MCM6: variants seen among roughly 807,000 people sequenced by gnomAD.
MCM6 encodes DNA replication licensing factor MCM6.
Under a neutral mutation model 94.3 loss-of-function variants are expected in MCM6, and 46 were observed. That is an observed-to-expected ratio of 0.49 (90% CI 0.39 to 0.62). The LOEUF (loss-of-function observed/expected upper bound fraction) is 0.62. Ranked by LOEUF, MCM6 falls within the 20% of genes least tolerant of loss-of-function variation. The pLI is 0.00. For synonymous variants in MCM6, 335 were observed against 351.9 expected (o/e 0.95, Z 0.54); for missense variants, 865 against 1,017.9 (o/e 0.85, Z 2.04).
chr2:135,844,772 T>G (rs541420739), intron 15 of MCM6, 88 bp from the exon 16 acceptor site: 5 of 1,317,806 alleles, frequency 3.8e-6, no homozygotes, highest in African/African-American at 1.5e-5. Context: ...AACGAGATAA[T>G]GTACAGATTA....
At chr2:135,850,669 C>T (rs1679764989) in intron 13 of MCM6, among the ~76,000 whole-genome samples, 2 of 152,154 alleles carry the variant, frequency 1.3e-5, no homozygotes, top group South Asian at 4.1e-4. Context: ...GTGGTTACTT[C>T]AGGGGAAGAG....
chr2:135,848,036 A>T lies in MCM6; in HGVS notation c.2053+17T>A. Reference sequence around the variant, plus strand: ...TGGTCCCTAACTCCAAAACAGTCACATGAACAAGTATCTCACCATTGATGC... The same window carrying T: ...TGGTCCCTAACTCCAAAACAGTCACTTGAACAAGTATCTCACCATTGATGC... On this transcript the variant is annotated intron_variant, in intron 14 of 16. Transcript: ENST00000264156. The T allele has an allele frequency of 6.3e-7, 1 of 1,594,002 alleles. No homozygotes were observed. Among genetic ancestry groups the T allele is most frequent in the Non-Finnish European group, 8.6e-7 (1 of 1,164,228 alleles).
intron 2 of MCM6, 127 bp from the exon 3 acceptor site, chr2:135,870,488 G>A (rs1286043067): frequency 1.5e-6 from 1 of 645,438 alleles, no homozygotes; most frequent in Non-Finnish European, 2.8e-6. Context: ...ACTTAACTGT[G>A]TAGGACACTT....
intron 7 of MCM6, 31 bp from the exon 8 acceptor site, chr2:135,862,779 C>G (rs771214311): frequency 1.2e-6 from 2 of 1,607,674 alleles, no homozygotes; most frequent in Non-Finnish European, 1.7e-6. Flanking sequence ...AGATGAAAAA[C>G]TAATTTTTCA....
intron 5 of MCM6, 62 bp downstream of exon 5, chr2:135,866,501 G>T: frequency 6.6e-7 from 1 of 1,523,670 alleles, no homozygotes; most frequent in Non-Finnish European, 8.9e-7. Context: ...GATGTGGGAA[G>T]CTAGATACTG....
At chr2:135,866,362 A>G in intron 5 of MCM6, 85 bp from the exon 6 acceptor site, 1 of 1,522,114 alleles carries the variant, frequency 6.6e-7, no homozygotes, top group South Asian at 1.2e-5. Context: ...AAAGCTATAA[A>G]TCCAAAGACT....
intron 7 of MCM6, among the ~76,000 whole-genome samples, chr2:135,864,742 C>T (rs1435457506): frequency 6.6e-6 from 1 of 152,162 alleles, no homozygotes; most frequent in Non-Finnish European, 1.5e-5. Flanking sequence ...ACTTTGTCAT[C>T]ATCCCAAATA....
intron 8 of MCM6, among the ~76,000 whole-genome samples, chr2:135,862,331 TAATAA>T (rs933310785): frequency 3.5e-4 from 38 of 109,176 alleles, no homozygotes; most frequent in Middle Eastern, 4.2e-3. Context: ...TTTATACAAA[TAATAA>T]AATTTGTATA....
At chr2:135,867,996 C>T (rs1375254979) in intron 4 of MCM6, among the ~76,000 whole-genome samples, 1 of 152,028 alleles carries the variant, frequency 6.6e-6, no homozygotes, top group East Asian at 1.9e-4. Context: ...CACTGCACTC[C>T]AGCCTGGGTG....
At chr2:135,842,624 G>C (rs573855150) in intron 16 of MCM6, among the ~76,000 whole-genome samples, 1 of 152,202 alleles carries the variant, frequency 6.6e-6, no homozygotes, top group Non-Finnish European at 1.5e-5. Context: ...ACAAGGCAGG[G>C]TGACAGCAAG....
intron 7 of MCM6, among the ~76,000 whole-genome samples, chr2:135,863,572 T>A (rs935277766): frequency 5.2e-4 from 78 of 150,646 alleles, no homozygotes; most frequent in Middle Eastern, 3.4e-3. Flanking sequence ...AAAAAAAAAA[T>A]TTTTTTTAAT....
At chr2:135,848,964 C>T (rs993641568) in intron 13 of MCM6, among the ~76,000 whole-genome samples, 4 of 152,088 alleles carry the variant, frequency 2.6e-5, no homozygotes, top group Non-Finnish European at 4.4e-5. Flanking sequence ...ACTCCCAGTA[C>T]GAACAAACAT....
chr2:135,850,089 G>A (rs947558357), intron 13 of MCM6, among the ~76,000 whole-genome samples: 9 of 151,858 alleles, frequency 5.9e-5, no homozygotes, highest in African/African-American at 2.2e-4. Flanking sequence ...CTCATTTCAG[G>A]AACTATCACA....
At chr2:135,865,411 C>T (rs1175159798) in intron 6 of MCM6, among the ~76,000 whole-genome samples, 3 of 152,070 alleles carry the variant, frequency 2.0e-5, no homozygotes, top group South Asian at 4.2e-4. Context: ...AAGAGATAAG[C>T]GATAGCAGAA....
In MCM6 at chr2:135,859,207, T is replaced by C. The variant is rs1679943468; in HGVS notation, c.1362+94A>G. 3 of 1,079,008 alleles carry C rather than the reference T, an allele frequency of 2.8e-6. No homozygotes were observed. The South Asian group carries it at 4.7e-5, about 17-fold the overall frequency. The allele number at this position is 1,079,008 out of a possible 1,614,324, so 66.8% of individuals were successfully genotyped here. On this transcript the variant is annotated intron_variant, in intron 9 of 16. Transcript: ENST00000264156. The stretch of plus-strand genomic sequence containing the variant: ...CGCGCCCAGCTGAGAATGCTGTTTT[T>C]AAGGACATCTTTTTAATGGTAACTT...
intron 11 of MCM6, among the ~76,000 whole-genome samples, chr2:135,853,401 C>T (rs1679812226): frequency 6.6e-6 from 1 of 152,154 alleles, no homozygotes; most frequent in Admixed American, 6.5e-5. Flanking sequence ...GCCATGATTG[C>T]ACCACTGCAC....
chr2:135,851,380 C>G lies in MCM6; in HGVS notation c.1917+22G>C, dbSNP rs1167381860. 4 of 1,593,986 alleles carry G rather than the reference C, an allele frequency of 2.5e-6. No individual in the cohort carries two copies. In the African/African-American group the frequency reaches 4.0e-5, roughly 16 times the overall value. ...CAAATCTGTTTATCTCTGCTCTCAT[C>G]ATATCAAAGTGACTCTGATACCTCA... is the stretch of plus-strand genomic sequence containing the variant. On this transcript the variant is annotated intron_variant, in intron 13 of 16. Transcript: ENST00000264156.
chr2:135,861,536 T>C (rs963926112), intron 8 of MCM6, among the ~76,000 whole-genome samples: 4 of 152,210 alleles, frequency 2.6e-5, no homozygotes, highest in African/African-American at 9.6e-5. Flanking sequence ...CTAAAAACAG[T>C]CAAAAATTGT....
intron 9 of MCM6, 39 bp from the exon 10 acceptor site, chr2:135,858,043 A>C (rs771049893): frequency 1.3e-6 from 2 of 1,565,312 alleles, no homozygotes; most frequent in Non-Finnish European, 1.8e-6. Context: ...GCTGTCTTTC[A>C]AGCTGGATGC....
Sources: allele counts gnomAD v4.1 joint callset (sites outside exome capture counted in the v4.1 genomes callset), GRCh38; gene constraint gnomAD v4.1.1; transcripts MANE v1.5; gene names NCBI Gene and HGNC (gene_info 2026-07-23, HGNC 2026-07-21).